Variants in MTDH observed in about 807,000 individuals in gnomAD.
MTDH encodes metadherin.
Under a neutral mutation model 72.7 loss-of-function variants are expected in MTDH, and 34 were observed. The observed-to-expected ratio is 0.47, with a 90% CI of 0.36 to 0.62. The LOEUF (loss-of-function observed/expected upper bound fraction) is 0.62. Among genes scored for constraint, MTDH ranks in the 20% least tolerant of loss-of-function variants. The pLI is 0.00. For missense variants in MTDH, 677 were observed against 699.4 expected (o/e 0.97, Z 0.36); for synonymous variants, 266 against 268.9 (o/e 0.99, Z 0.10).
intron 3 of MTDH, among the ~76,000 whole-genome samples, chr8:97,687,169 T>C (rs1813399358): frequency 6.6e-6 from 1 of 152,134 alleles, no homozygotes; most frequent in African/African-American, 2.4e-5. Flanking sequence ...CAAGATGACT[T>C]ATATATATCA....
rs370617370 is a variant in MTDH at position 97,706,608 on chromosome 8, C to T, written c.1148-18C>T. The T allele has an allele frequency of 1.7e-5, 26 of 1,530,966 alleles. No homozygotes were observed. In the African/African-American group the frequency reaches 3.0e-4, roughly 17 times the overall value. 94.8% of individuals were successfully genotyped at this position (1,530,966 alleles called of 1,614,324 possible). A position where few individuals can be genotyped will look rare whatever the true frequency, so the allele number is the denominator to read the frequency against. On this transcript the variant is annotated intron_variant, in intron 7 of 11. Coordinates refer to ENST00000336273, the MANE Select transcript of MTDH (RefSeq NM_178812.4). Reference sequence around the variant, plus strand: ...TGGCAAAAATGATAGACGCCTAATTCACACTGTTAAATTTTAGATGGTCTG... The same window carrying T: ...TGGCAAAAATGATAGACGCCTAATTTACACTGTTAAATTTTAGATGGTCTG...
At chr8:97,666,691 A>G (rs1429535239) in intron 2 of MTDH, among the ~76,000 whole-genome samples, 1 of 152,058 alleles carries the variant, frequency 6.6e-6, no homozygotes, top group Non-Finnish European at 1.5e-5. Flanking sequence ...ACTTCCACTC[A>G]TTATATTCTT....
intron 1 of MTDH, among the ~76,000 whole-genome samples, chr8:97,656,782 T>G (rs1340845775): frequency 1.3e-5 from 2 of 151,368 alleles, no homozygotes; most frequent in Non-Finnish European, 3.0e-5. Context: ...GGCGGGTCAC[T>G]TGAGGCCAGG....
chr8:97,679,370 G>A lies in MTDH; in HGVS notation c.484-7298G>A, dbSNP rs555572813. Reference sequence around the variant, plus strand: ...AGTAATAATAATAATAAAGTAGAAAGTACCAAAAACTGTAGAACTTTCTGA... The same window carrying A: ...AGTAATAATAATAATAAAGTAGAAAATACCAAAAACTGTAGAACTTTCTGA... On this transcript the variant is annotated intron_variant, in intron 2 of 11. Coordinates refer to ENST00000336273, the MANE Select transcript of MTDH (RefSeq NM_178812.4). Among the ~76,000 whole-genome samples, 223 of 152,134 alleles carry A rather than the reference G, an allele frequency of 1.5e-3. 1 individual carries two copies. The highest frequency in any genetic ancestry group is 4.8e-3 in the African/African-American group (200 of 41,518).
chr8:97,670,772 G>A (rs567093619), intron 2 of MTDH, among the ~76,000 whole-genome samples: 63 of 152,050 alleles, frequency 4.1e-4, no homozygotes, highest in Non-Finnish European at 7.2e-4. Flanking sequence ...CATGGCAGAA[G>A]GTAAAGCATG....
rs192395678 is a variant in MTDH, at chr8:97,715,521, T to C, written c.1380+1752T>C. Among the ~76,000 whole-genome samples, 27 of 152,356 alleles carry C rather than the reference T, an allele frequency of 1.8e-4. No homozygotes were observed. In the East Asian group the frequency reaches 5.2e-3, roughly 29 times the overall value. ...TGTGGGAAGCACAAACCCTCATAAA[T>C]GATACAAGCTTATTATCAATACTTG... On this transcript the variant is annotated intron_variant, in intron 9 of 11. Coordinates refer to ENST00000336273, the MANE Select transcript of MTDH (RefSeq NM_178812.4).
At chr8:97,648,863 G>T (rs980363590) in intron 1 of MTDH, among the ~76,000 whole-genome samples, 1 of 152,116 alleles carries the variant, frequency 6.6e-6, no homozygotes, top group African/African-American at 2.4e-5. Context: ...TCCAACAAAA[G>T]TATTTATACA....
At chr8:97,662,496 T>C (rs1416314437) in intron 2 of MTDH, among the ~76,000 whole-genome samples, 1 of 151,290 alleles carries the variant, frequency 6.6e-6, no homozygotes, top group African/African-American at 2.4e-5. Flanking sequence ...TATGAAATGG[T>C]TGCTGCTGGC....
At chr8:97,671,495 T>G (rs1202776224) in intron 2 of MTDH, among the ~76,000 whole-genome samples, 1 of 152,188 alleles carries the variant, frequency 6.6e-6, no homozygotes, top group Non-Finnish European at 1.5e-5. Flanking sequence ...ACGTATAATT[T>G]ATGATTATTT....
Position 97,659,714 on chromosome 8 carries a change from G to A in MTDH, c.382-1358G>A, listed in dbSNP as rs1177664692. Among the ~76,000 whole-genome samples the A allele has an allele frequency of 2.6e-5, 4 of 152,282 alleles. No homozygotes were observed. In the East Asian group the frequency reaches 7.7e-4, roughly 29 times the overall value. On this transcript the variant is annotated intron_variant, in intron 1 of 11. Transcript: ENST00000336273. ...ACTGAAAATAAAGCCATTGAAACTA[G>A]TATATTGACTTACTAACATGTTGAA...
At chr8:97,722,433 C>T (rs1815166782) in intron 10 of MTDH, among the ~76,000 whole-genome samples, 1 of 151,950 alleles carries the variant, frequency 6.6e-6, no homozygotes, top group Admixed American at 6.6e-5. Context: ...AACCTTGTCT[C>T]TACTAAAAAC....
In MTDH at chr8:97,729,025, C is replaced by T. The variant is rs930350194; in HGVS notation, c.*4355C>T. Among the ~76,000 whole-genome samples the T allele has an allele frequency of 1.3e-5, 2 of 151,532 alleles. No homozygotes were observed. The highest frequency in any genetic ancestry group is 4.9e-5 in the African/African-American group (2 of 41,230). On this transcript the variant is annotated 3_prime_UTR_variant, in exon 12 of 12. Transcript: ENST00000336273. ...CTCCCGGGCTCGAGCTATATTCTCC[C>T]ACTTTAGCCTCAGCCTCCAGAGTAC...
Position 97,687,610 on chromosome 8 carries a change from A to G in MTDH, c.745+5A>G, listed in dbSNP as rs1399092970. 5.6e-6 allele frequency: 9 copies of G among 1,593,366 alleles called. No individual in the cohort carries two copies. The highest frequency in any genetic ancestry group is 7.7e-6 in the Non-Finnish European group (9 of 1,169,978). ...TTGGTTCCAAGAAGAATAAAGGTATATTAGTGGAACATAAGACAGTGGTAC... is the reference window on the plus strand; with the variant it reads ...TTGGTTCCAAGAAGAATAAAGGTATGTTAGTGGAACATAAGACAGTGGTAC... On this transcript the variant is annotated splice_donor_5th_base_variant and intron_variant, in intron 4 of 11. Transcript: ENST00000336273.
At chr8:97,717,947 A>G (rs1160553537) in intron 9 of MTDH, among the ~76,000 whole-genome samples, 2 of 152,146 alleles carry the variant, frequency 1.3e-5, no homozygotes, top group Non-Finnish European at 2.9e-5. Flanking sequence ...ACAGGGTTTC[A>G]CCATGTTGGC....
intron 1 of MTDH, among the ~76,000 whole-genome samples, chr8:97,653,073 C>T (rs1046268020): frequency 6.6e-5 from 10 of 150,956 alleles, no homozygotes; most frequent in Non-Finnish European, 1.0e-4. Context: ...GAGCCGAGAT[C>T]GCACCACTGT....
At chr8:97,655,340 A>G (rs1013892968) in intron 1 of MTDH, among the ~76,000 whole-genome samples, 1 of 152,234 alleles carries the variant, frequency 6.6e-6, no homozygotes, top group African/African-American at 2.4e-5. Flanking sequence ...AGAGTTCTGC[A>G]TAGCACTCTA....
Position 97,682,257 on chromosome 8 carries a change from TATATATATATATATATATATATA to T in MTDH, c.484-4410_484-4388del, listed in dbSNP as rs1446059125. Among the ~76,000 whole-genome samples, 77 of 7,844 alleles carry T rather than the reference TATATATATATATATATATATATA, an allele frequency of 9.8e-3. 2 individuals carry two copies. The highest frequency in any genetic ancestry group is 0.027 in the African/African-American group (59 of 2,212). The allele number at this position is 7,844 out of a possible 152,430, so 5.1% of individuals were successfully genotyped here. On this transcript the variant is annotated intron_variant, in intron 2 of 11. Coordinates refer to ENST00000336273, the MANE Select transcript of MTDH (RefSeq NM_178812.4). ...ATATATATATATATATATATATATA[TATATATATATATATATATATATA>T]TTTTTTTTTTTTTTTTTTTTTTTTT...
intron 1 of MTDH, among the ~76,000 whole-genome samples, chr8:97,658,765 A>T (rs915523769): frequency 6.6e-6 from 1 of 152,194 alleles, no homozygotes; most frequent in Admixed American, 6.5e-5. Flanking sequence ...TCTTACATGG[A>T]AAAGTGTGGC....
At chr8:97,670,450 C>G (rs895920135) in intron 2 of MTDH, among the ~76,000 whole-genome samples, 1 of 152,142 alleles carries the variant, frequency 6.6e-6, no homozygotes, top group Non-Finnish European at 1.5e-5. Flanking sequence ...AGCCCCGTCT[C>G]TACTAAAAAT....
Sources: allele counts gnomAD v4.1 joint callset (sites outside exome capture counted in the v4.1 genomes callset), GRCh38; gene constraint gnomAD v4.1.1; transcripts MANE v1.5; gene names NCBI Gene and HGNC (gene_info 2026-07-23, HGNC 2026-07-21).